ELOVL6: variants seen among roughly 807,000 people sequenced by gnomAD.
ELOVL6 encodes the protein very long chain fatty acid elongase 6.
Under a neutral mutation model 31.7 loss-of-function variants are expected in ELOVL6, and 8 were observed. The ratio of observed to expected loss-of-function variants is 0.25; its 90% CI spans 0.15 to 0.45. The LOEUF (loss-of-function observed/expected upper bound fraction) is 0.45, where lower values mean the gene tolerates loss of function less well. Among genes scored for constraint, ELOVL6 ranks in the 20% least tolerant of loss-of-function variants. The probability of loss-of-function intolerance (pLI) is 1.00; values close to 1 mark genes in which losing one functional copy is unlikely to be tolerated. For synonymous variants in ELOVL6, 101 were observed against 117.7 expected (o/e 0.86, Z 0.92); for missense variants, 126 against 326.4 (o/e 0.39, Z 4.73).
chr4:110,115,556 T>A (rs1304509575), intron 1 of ELOVL6, among the ~76,000 whole-genome samples: 1 of 152,024 alleles, frequency 6.6e-6, no homozygotes, highest in African/African-American at 2.4e-5. Flanking sequence ...CCAGCCTGGG[T>A]AATATGGTGA....
At chr4:110,197,688 G>A (rs752415277) in intron 1 of ELOVL6, among the ~76,000 whole-genome samples, 2 of 152,212 alleles carry the variant, frequency 1.3e-5, no homozygotes, top group South Asian at 4.1e-4. Flanking sequence ...ATCCGCCTGA[G>A]GAGCGGCAGA....
At chr4:110,056,130 G>GGGC (rs893626965) in intron 3 of ELOVL6, among the ~76,000 whole-genome samples, 6 of 126,456 alleles carry the variant, frequency 4.7e-5, no homozygotes, top group Non-Finnish European at 7.7e-5. Flanking sequence ...GCTGGGGGGG[G>GGGC]GGATACAGTT....
chr4:110,138,496 A>C (rs951569742), intron 1 of ELOVL6, among the ~76,000 whole-genome samples: 1 of 152,232 alleles, frequency 6.6e-6, no homozygotes, highest in Non-Finnish European at 1.5e-5. Flanking sequence ...AAATTAGAGC[A>C]TCAAAGAGAC....
intron 2 of ELOVL6, among the ~76,000 whole-genome samples, chr4:110,102,421 A>G (rs1455241367): frequency 6.6e-6 from 1 of 152,160 alleles, no homozygotes; most frequent in Admixed American, 6.5e-5. Context: ...AGGAGAAATA[A>G]AAGTTAAGTC....
At chr4:110,130,819 C>T (rs781370701) in intron 1 of ELOVL6, among the ~76,000 whole-genome samples, 1 of 152,114 alleles carries the variant, frequency 6.6e-6, no homozygotes, top group Non-Finnish European at 1.5e-5. Context: ...TGCACATGAC[C>T]ATCAGTCATT....
At chr4:110,148,299 A>T (rs1388843043) in intron 1 of ELOVL6, among the ~76,000 whole-genome samples, 1 of 152,124 alleles carries the variant, frequency 6.6e-6, no homozygotes, top group Non-Finnish European at 1.5e-5. Context: ...CAGAATGGCT[A>T]TTATTAAAGG....
At chr4:110,186,251 A>G (rs900027060) in intron 1 of ELOVL6, among the ~76,000 whole-genome samples, 1 of 152,098 alleles carries the variant, frequency 6.6e-6, no homozygotes, top group African/African-American at 2.4e-5. Flanking sequence ...TGACTTAACA[A>G]GTAGGTGACT....
chr4:110,174,263 A>C (rs1305424936), intron 1 of ELOVL6, among the ~76,000 whole-genome samples: 1 of 151,054 alleles, frequency 6.6e-6, no homozygotes, highest in Non-Finnish European at 1.5e-5. Context: ...TCCGCAACTC[A>C]AGAGATTCTC....
At position 110,084,888 on chromosome 4, in the gene ELOVL6, C is replaced by T. The variant is rs572238110; in HGVS notation, c.221+20609G>A. On this transcript the variant is annotated intron_variant, in intron 2 of 3. Transcript: ENST00000302274. ...GATTACAGGTGTGAGCCACCGTGCC[C>T]GGCGTATGCTGTGATATATTAATAG... 9.6e-4 allele frequency among the ~76,000 whole-genome samples: 146 copies of T among 151,612 alleles called. 1 individual carries two copies. Among genetic ancestry groups the T allele is most frequent in the South Asian group, 6.0e-3 (29 of 4,804 alleles).
At chr4:110,064,978 A>G (rs1379679792) in intron 2 of ELOVL6, among the ~76,000 whole-genome samples, 2 of 152,208 alleles carry the variant, frequency 1.3e-5, no homozygotes, top group African/African-American at 4.8e-5. Context: ...TGTTTCATGT[A>G]TTAAATCAAC....
At chr4:110,097,243 T>G (rs1756606384) in intron 2 of ELOVL6, among the ~76,000 whole-genome samples, 3 of 143,576 alleles carry the variant, frequency 2.1e-5, no homozygotes, top group Non-Finnish European at 4.5e-5. Context: ...AGGTGGAGGT[T>G]GCAGTGAGCC....
In ELOVL6 at chr4:110,142,066, C is replaced by CT. The variant is rs34800709; in HGVS notation, c.90-36439dup. Among the ~76,000 whole-genome samples, 340 of 74,364 alleles carry CT rather than the reference C, an allele frequency of 4.6e-3. 8 individuals carry two copies. Among genetic ancestry groups the CT allele is most frequent in the South Asian group, 6.3e-3 (14 of 2,208 alleles). The allele number at this position is 74,364 out of a possible 152,430, so 48.8% of individuals were successfully genotyped here. ...TCCTTGATATCCCACCCCTTACTAACTTTTTTTTTTTTTTTTTTTTTTGAG... is the reference window on the plus strand; with the variant it reads ...TCCTTGATATCCCACCCCTTACTAACTTTTTTTTTTTTTTTTTTTTTTTGAG... On this transcript the variant is annotated intron_variant, in intron 1 of 3. Transcript: ENST00000302274.
At chr4:110,162,939 T>C (rs7672232) in intron 1 of ELOVL6, among the ~76,000 whole-genome samples, 66,645 of 152,068 alleles carry the variant, frequency 0.44, 15,922 homozygotes, top group East Asian at 0.62. Flanking sequence ...GTCACCCAGA[T>C]AGTCAGTGGT....
chr4:110,141,855 GTATA>G (rs57733252), intron 1 of ELOVL6, among the ~76,000 whole-genome samples: 10,538 of 126,586 alleles, frequency 0.083, 624 homozygotes, highest in African/African-American at 0.16. Flanking sequence ...AATACAATTA[GTATA>G]TATATATATA....
chr4:110,119,940 T>C (rs1757295859), intron 1 of ELOVL6, among the ~76,000 whole-genome samples: 1 of 152,212 alleles, frequency 6.6e-6, no homozygotes. Flanking sequence ...CTGGGATTGA[T>C]CAAGCATGGA....
chr4:110,178,757 G>A (rs546274893), intron 1 of ELOVL6, among the ~76,000 whole-genome samples: 50 of 152,196 alleles, frequency 3.3e-4, no homozygotes, highest in African/African-American at 1.2e-3. Context: ...GGGAGCCTGA[G>A]GCTGGAGAAT....
intron 1 of ELOVL6, among the ~76,000 whole-genome samples, chr4:110,174,699 C>CA (rs1347926192): frequency 6.6e-6 from 1 of 152,094 alleles, no homozygotes; most frequent in Non-Finnish European, 1.5e-5. Flanking sequence ...ACCTATTAGT[C>CA]ACAGATGGAA....
chr4:110,105,469 T>C, intron 2 of ELOVL6, 28 bp downstream of exon 2: 1 of 1,582,108 alleles, frequency 6.3e-7, no homozygotes, highest in South Asian at 1.2e-5. Flanking sequence ...AATGGATACG[T>C]TTTATTAGAA....
intron 1 of ELOVL6, among the ~76,000 whole-genome samples, chr4:110,132,223 C>T (rs979647051): frequency 2.0e-5 from 3 of 151,928 alleles, no homozygotes; most frequent in African/African-American, 4.8e-5. Context: ...GTAGAAAGCC[C>T]GCTTGGCAGT....
Sources: allele counts gnomAD v4.1 joint callset (sites outside exome capture counted in the v4.1 genomes callset), GRCh38; gene constraint gnomAD v4.1.1; transcripts MANE v1.5; gene names NCBI Gene and HGNC (gene_info 2026-07-23, HGNC 2026-07-21).